Variants in PARP4 observed in about 807,000 individuals in gnomAD.
The protein encoded by PARP4 is protein mono-ADP-ribosyltransferase PARP4.
In PARP4, 120 loss-of-function variants were observed where a neutral mutation model predicts 187.7. The observed-to-expected ratio is 0.64, with a 90% CI of 0.55 to 0.74. PARP4 has a LOEUF of 0.74. Ranked by LOEUF, PARP4 falls within the 30% of genes least tolerant of loss-of-function variation. PARP4 has a pLI of 0.00. For synonymous variants in PARP4, 654 were observed against 740.9 expected, an observed-to-expected ratio of 0.88 and a Z score of 1.90; for missense variants, 1,836 against 2,070.5, an observed-to-expected ratio of 0.89 and a Z score of 2.20.
chr13:24,423,032 T>C (rs1226200768), intron 33 of PARP4, among the ~76,000 whole-genome samples: 1 of 152,178 alleles, frequency 6.6e-6, no homozygotes, highest in African/African-American at 2.4e-5. Flanking sequence ...CTTTATGATA[T>C]TACAGTTCAA....
chr13:24,446,841 A>T, intron 26 of PARP4, 80 bp from the exon 27 acceptor site: 5 of 1,377,356 alleles, frequency 3.6e-6, no homozygotes, highest in Non-Finnish European at 5.0e-6. Context: ...TCTTTTGGTG[A>T]TTTTCTCTCC....
intron 13 of PARP4, 82 bp downstream of exon 13, chr13:24,478,009 ATT>A: frequency 8.8e-7 from 1 of 1,139,150 alleles, no homozygotes; most frequent in East Asian, 2.5e-5. Flanking sequence ...ACTTAAGCAT[ATT>A]TAATGAAAAT....
chr13:24,456,269 G>C lies in PARP4; in HGVS notation c.2562+72C>G, dbSNP rs185098042. 457 of 1,202,182 alleles carry C rather than the reference G, an allele frequency of 3.8e-4. No individual in the cohort carries two copies. In the African/African-American group the frequency reaches 6.4e-3, roughly 17 times the overall value. The allele number at this position is 1,202,182 out of a possible 1,614,324, so 74.5% of individuals were successfully genotyped here. Reference sequence around the variant, plus strand: ...AGTTTTTCAGGACAATCAATAATTTGCAAGTTTAACCAGCTTATTCTGAAA... The same window carrying C: ...AGTTTTTCAGGACAATCAATAATTTCCAAGTTTAACCAGCTTATTCTGAAA... On this transcript the variant is annotated intron_variant, in intron 21 of 33. Transcript: ENST00000381989.
At chr13:24,493,084 C>CA (rs1868749091) in intron 8 of PARP4, among the ~76,000 whole-genome samples, 1 of 152,200 alleles carries the variant, frequency 6.6e-6, no homozygotes, top group South Asian at 2.1e-4. Context: ...TTCAATACAA[C>CA]AATGCAGTTG....
chr13:24,498,176 C>G lies in PARP4; in HGVS notation c.531G>C (p.Arg177=). 1 of 1,613,830 alleles carries G rather than the reference C, an allele frequency of 6.2e-7. No individual in the cohort carries two copies. The highest frequency in any genetic ancestry group is 8.5e-7 in the Non-Finnish European group (1 of 1,179,972). The change falls in exon 6 of 34, where the codon CGG becomes CGC. Residue 177 remains arginine, a synonymous_variant. Coordinates refer to ENST00000381989, the MANE Select transcript of PARP4 (RefSeq NM_006437.4). ...TCAGGAAAGGACAGTCCCTGGAGTC[C>G]CGCGAACACTGAAGCTCCACCACCA... The part of the protein sequence containing the change: ...EAVVVELQCS[R]DSRDCPFLIS...
chr13:24,478,177 C>G lies in PARP4; in HGVS notation c.1548G>C (p.Lys516Asn). The G allele has an allele frequency of 1.2e-6, 2 of 1,613,898 alleles. No individual in the cohort carries two copies. Residue 516 changes from lysine to asparagine, a missense_variant, in exon 13 of 34, where the codon AAG (lysine) becomes AAC (asparagine). Physicochemically the swap from Lys to Asn is moderately conservative, Grantham distance 94. Around this residue, in one of 8 missense-constraint regions of PARP4, gnomAD observed 1,147 missense variants for 1,214.2 expected, o/e 0.94. Transcript: ENST00000381989. ...GTGGTGCTTCAGTTAAGGAAAAGTC[C>G]TTCTCATGTAAGTCCATACACTTTC... ...ALGKCMDLHEKDFSLTEAPPG... is the reference protein window; with the variant it reads ...ALGKCMDLHENDFSLTEAPPG...
chr13:24,500,037 G>GT (rs757465392), intron 4 of PARP4, among the ~76,000 whole-genome samples: 97 of 101,790 alleles, frequency 9.5e-4, no homozygotes, highest in Middle Eastern at 4.6e-3. Context: ...GATGAAAATA[G>GT]GTTTTTTTTT....
In PARP4 at chr13:24,454,849, T is replaced by A. The variant is rs552705961; in HGVS notation, c.2758+168A>T. 3.3e-5 allele frequency among the ~76,000 whole-genome samples: 5 copies of A among 152,236 alleles called. No homozygotes were observed. The South Asian group carries it at 8.3e-4, about 25-fold the overall frequency. The stretch of plus-strand genomic sequence containing the variant: ...ACACAGAACCTGTGAGTGGTACAGC[T>A]GGAACCGGGACCTAGGGGGTCCAGC... On this transcript the variant is annotated intron_variant, in intron 22 of 33. Coordinates refer to ENST00000381989, the MANE Select transcript of PARP4 (RefSeq NM_006437.4).
rs201200397 is a variant in PARP4, at chr13:24,426,618, G to A, written c.4847-20C>T. 4.6e-5 allele frequency: 74 copies of A among 1,603,508 alleles called. No individual in the cohort carries two copies. Among genetic ancestry groups the A allele is most frequent in the Admixed American group, 2.7e-4 (16 of 58,824 alleles). ...TTACACCTAAAAGGAAAAAAACTCC[G>A]TTAAGTCTGTTGGAAACTCTGCATC... On this transcript the variant is annotated intron_variant, in intron 32 of 33. Coordinates refer to ENST00000381989, the MANE Select transcript of PARP4 (RefSeq NM_006437.4).
chr13:24,434,815 A>G lies in PARP4; in HGVS notation c.4326T>C (p.Pro1442=), dbSNP rs141825010. 1.2e-6 allele frequency: 2 copies of G among 1,613,342 alleles called. No homozygotes were observed. The highest frequency in any genetic ancestry group is 8.5e-7 in the Non-Finnish European group (1 of 1,179,714). ...AACCTCTGATGGGATCAGGGTCTGT[A>G]GGAAGAGAGAAATGAAGCTGGGGAG... The part of the protein sequence containing the change: ...LDSPQLHFSL[P]TDPDPIRGFG... The change falls in exon 31 of 34, where the codon CCT becomes CCC. Residue 1442 remains proline, a synonymous_variant. Coordinates refer to ENST00000381989, the MANE Select transcript of PARP4 (RefSeq NM_006437.4).
At chr13:24,505,353 A>G (rs1449077943) in intron 1 of PARP4, among the ~76,000 whole-genome samples, 1 of 151,912 alleles carries the variant, frequency 6.6e-6, no homozygotes, top group African/African-American at 2.4e-5. Context: ...GCCCTGCAAG[A>G]TATCGATAAG....
At chr13:24,467,417 T>C (rs1291703333) in intron 17 of PARP4, among the ~76,000 whole-genome samples, 2 of 152,166 alleles carry the variant, frequency 1.3e-5, no homozygotes, top group Non-Finnish European at 2.9e-5. Context: ...AAAGCTTAGA[T>C]GGAGGGATTC....
At chr13:24,488,210 C>T (rs1868427537) in intron 10 of PARP4, among the ~76,000 whole-genome samples, 1 of 151,788 alleles carries the variant, frequency 6.6e-6, no homozygotes, top group Admixed American at 6.6e-5. Context: ...TTCCTGTCTT[C>T]CTGGAGAAAG....
chr13:24,491,241 C>T (rs931903249), intron 9 of PARP4, among the ~76,000 whole-genome samples: 2 of 152,040 alleles, frequency 1.3e-5, no homozygotes, highest in African/African-American at 4.8e-5. Flanking sequence ...CTGCCTCAGC[C>T]TCCTAAGTAA....
At chr13:24,495,315 C>CA (rs1344605568) in intron 6 of PARP4, among the ~76,000 whole-genome samples, 2 of 151,978 alleles carry the variant, frequency 1.3e-5, no homozygotes, top group African/African-American at 4.8e-5. Flanking sequence ...AGACTCCTTA[C>CA]AAACCAGTCT....
chr13:24,499,588 G>A (rs1271952380), intron 4 of PARP4, among the ~76,000 whole-genome samples: 6 of 152,104 alleles, frequency 3.9e-5, no homozygotes, highest in Non-Finnish European at 8.8e-5. Context: ...TGCCTCCTCT[G>A]CATAATCTCC....
chr13:24,487,256 CAAAAA>C (rs35094936), intron 10 of PARP4, among the ~76,000 whole-genome samples: 3 of 110,250 alleles, frequency 2.7e-5, no homozygotes, highest in African/African-American at 8.2e-5. Flanking sequence ...AAGGCTCCGT[CAAAAA>C]AAAAAAAAAA....
In PARP4 at chr13:24,421,057, T is replaced by A; in HGVS notation, c.*62A>T. The A allele has an allele frequency of 4.3e-6, 6 of 1,393,578 alleles. No homozygotes were observed. The highest frequency in any genetic ancestry group is 5.7e-6 in the Non-Finnish European group (6 of 1,048,032). 86.3% of individuals were successfully genotyped at this position (1,393,578 alleles called of 1,614,324 possible). ...ATGAAGTTTCATTATAAGTATCTAT[T>A]ATCATTTGATTATTTTCTACATAGA... is the stretch of plus-strand genomic sequence containing the variant. On this transcript the variant is annotated 3_prime_UTR_variant, in exon 34 of 34. Coordinates refer to ENST00000381989, the MANE Select transcript of PARP4 (RefSeq NM_006437.4).
chr13:24,430,532 T>C (rs1053461916), intron 32 of PARP4, among the ~76,000 whole-genome samples: 110 of 150,822 alleles, frequency 7.3e-4, no homozygotes, highest in African/African-American at 2.5e-3. Flanking sequence ...CAGGTGCCTG[T>C]AGTCCCAGCT....
Sources: gnomAD v4.1 joint callset for allele counts (sites outside exome capture counted in the v4.1 genomes callset) on GRCh38, gnomAD v4.1.1 for gene constraint, gnomAD v4.1.1 regional missense constraint, MANE v1.5 for transcripts, NCBI Gene and HGNC (gene_info 2026-07-23, HGNC 2026-07-21) for gene names.